Variants in PRAMEF20 observed in about 807,000 individuals in gnomAD.
The protein encoded by PRAMEF20 is PRAME family member 20/21.
A neutral mutation model predicts 32.4 loss-of-function variants in PRAMEF20; 27 were observed. The observed-to-expected ratio is 0.83, with a 90% confidence interval of 0.61 to 1.15. The LOEUF (loss-of-function observed/expected upper bound fraction) is 1.15. PRAMEF20 is among the 50% of genes most tolerant of loss of function. The pLI is 0.00. For synonymous variants in PRAMEF20, 256 were observed against 235.4 expected (o/e 1.09, Z -0.80); for missense variants, 604 against 584.5 (o/e 1.03, Z -0.34).
At chr1:13,420,373 G>A (rs1641229521) in intron 2 of PRAMEF20, among the ~76,000 whole-genome samples, 1 of 152,044 alleles carries the variant, frequency 6.6e-6, no homozygotes, top group Non-Finnish European at 1.5e-5. Flanking sequence ...ACCATGCCCA[G>A]CTAATTTTTG....
At chr1:13,411,620 T>C (rs927522967), upstream of PRAMEF20, among the ~76,000 whole-genome samples, 1 of 152,234 alleles carries the variant, frequency 6.6e-6, no homozygotes, top group Admixed American at 6.5e-5. Context: ...ACCATGAATT[T>C]TGAAGGTATA....
chr1:13,418,341 A>G (rs1338713091), exon 2 of PRAMEF20: 33 of 1,613,678 alleles, frequency 2.0e-5, no homozygotes, highest in Non-Finnish European at 2.5e-5. Context: ...GCCTCTTTCT[A>G]TGGGTCAAGC....
intron 2 of PRAMEF20, among the ~76,000 whole-genome samples, chr1:13,419,582 C>T (rs1345737599): frequency 3.3e-5 from 5 of 152,110 alleles, no homozygotes; most frequent in East Asian, 1.9e-4. Context: ...ACACCACGCC[C>T]GGCTAATTTT....
chr1:13,410,938 A>C, the PRAMEF20 span, among the ~76,000 whole-genome samples: 1 of 151,134 alleles, frequency 6.6e-6, no homozygotes, highest in South Asian at 2.1e-4. Flanking sequence ...GCCCACTGCA[A>C]CCTCCGCCTC....
At chr1:13,416,548 C>T in exon 1 of PRAMEF20, 1 of 1,614,160 alleles carries the variant, frequency 6.2e-7, no homozygotes, top group South Asian at 1.1e-5. Context: ...CTCCGCCTTC[C>T]TCTGGGGTCT....
At chr1:13,420,233 CAG>C (rs1641227974) in intron 2 of PRAMEF20, among the ~76,000 whole-genome samples, 4 of 151,966 alleles carry the variant, frequency 2.6e-5, no homozygotes, top group African/African-American at 7.2e-5. Context: ...TCTTTTGAGA[CAG>C]AGTCTCGCTC....
intron 2 of PRAMEF20, among the ~76,000 whole-genome samples, chr1:13,420,435 C>T (rs1641230031): frequency 2.0e-5 from 3 of 152,296 alleles, no homozygotes; most frequent in Admixed American, 1.3e-4. Flanking sequence ...TCTCAAACTC[C>T]TGACCTCCAG....
intron 1 of PRAMEF20, 42 bp downstream of exon 2, chr1:13,416,683 C>T (rs764480462): frequency 6.2e-7 from 1 of 1,613,316 alleles, no homozygotes; most frequent in East Asian, 2.2e-5. Flanking sequence ...GCCCAGGTGT[C>T]CAACAGAAGG....
exon 3 of PRAMEF20, chr1:13,421,212 G>T: frequency 6.2e-7 from 1 of 1,613,928 alleles, no homozygotes; most frequent in Non-Finnish European, 8.5e-7. Flanking sequence ...CCTCAGTGTG[G>T]CAACAGGTCA....
intron 2 of PRAMEF20, among the ~76,000 whole-genome samples, chr1:13,420,410 T>C (rs988567263): frequency 5.3e-5 from 8 of 151,008 alleles, no homozygotes; most frequent in African/African-American, 1.2e-4. Context: ...GGTTTTGCCA[T>C]GTTGGCCAGG....
chr1:13,415,760 A>G (rs2100431449), upstream of PRAMEF20, among the ~76,000 whole-genome samples: 2 of 133,988 alleles, frequency 1.5e-5, no homozygotes, highest in South Asian at 5.4e-4. Flanking sequence ...ACTGCACTCC[A>G]GCCTGGGTGA....
chr1:13,415,794 AAG>A (rs1641163102), upstream of PRAMEF20, among the ~76,000 whole-genome samples: 1 of 148,680 alleles, frequency 6.7e-6, no homozygotes, highest in Middle Eastern at 3.4e-3. Context: ...TGGCAAAAAA[AAG>A]AACAAAGGGA....
At chr1:13,416,687 C>G in intron 1 of PRAMEF20, 46 bp downstream of exon 2, 1 of 1,613,326 alleles carries the variant, frequency 6.2e-7, no homozygotes, top group Non-Finnish European at 8.5e-7. Flanking sequence ...AGGTGTCCAA[C>G]AGAAGGAACA....
the PRAMEF20 span, among the ~76,000 whole-genome samples, chr1:13,410,804 A>G: frequency 6.6e-6 from 1 of 151,944 alleles, no homozygotes; most frequent in Non-Finnish European, 1.5e-5. Flanking sequence ...GGATCATTTG[A>G]GCCCACGGGT....
chr1:13,420,685 C>G lies in PRAMEF20; in HGVS notation c.867-12C>G, dbSNP rs1400703818. The G allele has an allele frequency of 9.9e-6, 16 of 1,613,858 alleles. No homozygotes were observed. Among genetic ancestry groups the G allele is most frequent in the South Asian group, 4.4e-5 (4 of 91,074 alleles). ...GATTCCCCAGAACTAACTTCCTGCT[C>G]TCTCTCCCCAGCTGTCTAAAGACCT... On this transcript the variant is annotated splice_polypyrimidine_tract_variant and intron_variant, in intron 2 of 2. Coordinates refer to ENST00000602960, the Ensembl canonical transcript of PRAMEF20.
exon 2 of PRAMEF20, chr1:13,418,425 C>T: frequency 1.2e-6 from 2 of 1,613,918 alleles, no homozygotes; most frequent in Admixed American, 1.7e-5. Flanking sequence ...ATATCAGAAA[C>T]ATCCTGAAAA....
At chr1:13,419,429 G>A (rs918998431) in intron 2 of PRAMEF20, among the ~76,000 whole-genome samples, 5 of 152,012 alleles carry the variant, frequency 3.3e-5, no homozygotes, top group African/African-American at 7.3e-5. Context: ...GATTATAGGC[G>A]TGAGCCACCA....
exon 2 of PRAMEF20, chr1:13,418,245 C>T: frequency 5.0e-6 from 8 of 1,613,860 alleles, no homozygotes; most frequent in Non-Finnish European, 6.8e-6. Flanking sequence ...CACTGCAGGA[C>T]TGTCCAAGGA....
intron 1 of PRAMEF20, among the ~76,000 whole-genome samples, 184 bp from the exon 3 acceptor site, chr1:13,417,938 G>C (rs1569867405): frequency 6.7e-6 from 1 of 149,628 alleles, no homozygotes; most frequent in Non-Finnish European, 1.5e-5. Context: ...GTGTGTGTGT[G>C]TGTGTGTGTG....
Sources: allele counts gnomAD v4.1 joint callset (sites outside exome capture counted in the v4.1 genomes callset), GRCh38; gene constraint gnomAD v4.1.1; transcripts MANE v1.5; gene names NCBI Gene and HGNC (gene_info 2026-07-23, HGNC 2026-07-21).